Variants in TRIM59 observed in about 807,000 individuals in gnomAD.
The protein encoded by TRIM59 is tripartite motif-containing protein 59.
TRIM59 carries 14 observed loss-of-function variants against 32.2 expected under a neutral mutation model. The observed-to-expected ratio is 0.43, with a 90% confidence interval of 0.29 to 0.68. The LOEUF is 0.68. Ranked by LOEUF, TRIM59 falls within the 30% of genes least tolerant of loss-of-function variation. The pLI is 0.15. For missense variants in TRIM59, 471 were observed against 463.3 expected, an observed-to-expected ratio of 1.02 and a Z score of -0.15; for synonymous variants, 163 against 155.1, an observed-to-expected ratio of 1.05 and a Z score of -0.38.
rs530953446 is a variant in TRIM59 at position 160,436,856 on chromosome 3, T to A, written c.*1116A>T. ...AGTTGTTGGTACTTTTGCATTAGCT[T>A]AAGGGAATGTGGTAGAAAATTTAAA... On this transcript the variant is annotated 3_prime_UTR_variant, in exon 3 of 3. Coordinates refer to ENST00000309784, the MANE Select transcript of TRIM59 (RefSeq NM_173084.3). The A allele has an allele frequency of 1.1e-6, 1 of 931,164 alleles. No homozygotes were observed. The highest frequency in any genetic ancestry group is 1.3e-6 in the Non-Finnish European group (1 of 783,154). The allele number at this position is 931,164 out of a possible 1,614,324, so 57.7% of individuals were successfully genotyped here. A position where few individuals can be genotyped will look rare whatever the true frequency, so the allele number is the denominator to read the frequency against.
chr3:160,441,334 A>G (rs1020636775), intron 2 of TRIM59, among the ~76,000 whole-genome samples: 2 of 152,240 alleles, frequency 1.3e-5, no homozygotes, highest in Non-Finnish European at 2.9e-5. Flanking sequence ...TACTGCTTCA[A>G]TGAACAAATG....
chr3:160,436,740 A>G lies in TRIM59; in HGVS notation c.*1232T>C, dbSNP rs1046711069. 8.3e-5 allele frequency: 58 copies of G among 700,676 alleles called. No homozygotes were observed. Among genetic ancestry groups the G allele is most frequent in the Non-Finnish European group, 8.2e-5 (47 of 576,002 alleles). 43.4% of individuals were successfully genotyped at this position (700,676 alleles called of 1,614,324 possible). On this transcript the variant is annotated 3_prime_UTR_variant, in exon 3 of 3. Transcript: ENST00000309784. Reference sequence around the variant, plus strand: ...GTGAACCCGGGAGGCGGGGCTTGCAATGAGCCGAGATCACGCCACTGCACT... The same window carrying G: ...GTGAACCCGGGAGGCGGGGCTTGCAGTGAGCCGAGATCACGCCACTGCACT...
chr3:160,449,024 C>G, intron 1 of TRIM59: 1 of 270,440 alleles, frequency 3.7e-6, no homozygotes, highest in South Asian at 3.4e-5. Context: ...CTTTTCACAA[C>G]GTCAAGTAGC....
chr3:160,439,827 A>C (rs1269358653), intron 2 of TRIM59, among the ~76,000 whole-genome samples: 2 of 152,202 alleles, frequency 1.3e-5, no homozygotes, highest in South Asian at 2.1e-4. Context: ...AGACTAATAC[A>C]CTACATAATA....
chr3:160,447,847 T>A (rs1462446931), intron 2 of TRIM59: 1 of 152,230 alleles, frequency 6.6e-6, no homozygotes, highest in Non-Finnish European at 1.5e-5. Flanking sequence ...ACCTAACTGA[T>A]AAAGAAGAAA....
chr3:160,444,958 C>T (rs563100835), intron 2 of TRIM59, among the ~76,000 whole-genome samples: 1 of 151,960 alleles, frequency 6.6e-6, no homozygotes, highest in South Asian at 2.1e-4. Flanking sequence ...ACAGCCACGA[C>T]ATAATTTATT....
intron 2 of TRIM59, among the ~76,000 whole-genome samples, chr3:160,445,299 C>T (rs1271294623): frequency 4.6e-5 from 7 of 151,988 alleles, no homozygotes; most frequent in African/African-American, 1.7e-4. Flanking sequence ...CCTGTTAGTC[C>T]CAGCTACTCA....
At chr3:160,443,973 G>C (rs1319458673) in intron 2 of TRIM59, among the ~76,000 whole-genome samples, 1 of 152,010 alleles carries the variant, frequency 6.6e-6, no homozygotes, top group Non-Finnish European at 1.5e-5. Context: ...AATGCTTCAT[G>C]TATATGAAAC....
At position 160,437,893 on chromosome 3, in the gene TRIM59, T is replaced by G; in HGVS notation, c.*79A>C. The G allele has an allele frequency of 7.1e-7, 1 of 1,412,120 alleles. No homozygotes were observed. The highest frequency in any genetic ancestry group is 9.2e-7 in the Non-Finnish European group (1 of 1,082,884). 87.5% of individuals were successfully genotyped at this position (1,412,120 alleles called of 1,614,324 possible). A position where few individuals can be genotyped will look rare whatever the true frequency, so the allele number is the denominator to read the frequency against. On this transcript the variant is annotated 3_prime_UTR_variant, in exon 3 of 3. Transcript: ENST00000309784. ...GTTGCAGCACTAATAAAGCTTAGTT[T>G]GCTCTTTATCCATGCTACCCCATTT...
chr3:160,449,351 T>C, intron 1 of TRIM59: 2 of 469,806 alleles, frequency 4.3e-6, no homozygotes, highest in South Asian at 2.7e-5. Flanking sequence ...GCAGTACTCT[T>C]CCCTTCCCCT....
chr3:160,445,247 T>G (rs935155488), intron 2 of TRIM59, among the ~76,000 whole-genome samples: 2 of 151,734 alleles, frequency 1.3e-5, no homozygotes, highest in Non-Finnish European at 2.9e-5. Flanking sequence ...AAACCCCATC[T>G]CTACAAAAAA....
intron 2 of TRIM59, among the ~76,000 whole-genome samples, chr3:160,442,541 C>T (rs546789538): frequency 1.3e-4 from 19 of 150,952 alleles, no homozygotes; most frequent in Admixed American, 5.9e-4. Flanking sequence ...CAGAGCAAGA[C>T]TCTGTCTCAA....
Position 160,437,169 on chromosome 3 carries a change from T to C in TRIM59, c.*803A>G. On this transcript the variant is annotated 3_prime_UTR_variant, in exon 3 of 3. Coordinates refer to ENST00000309784, the MANE Select transcript of TRIM59 (RefSeq NM_173084.3). Reference sequence around the variant, plus strand: ...AAGTTTGAGACCAACCTGGGCAATATGGCAAAACCTCGTTTCTACAAAAAA... The same window carrying C: ...AAGTTTGAGACCAACCTGGGCAATACGGCAAAACCTCGTTTCTACAAAAAA... The C allele has an allele frequency of 1.4e-6, 1 of 722,218 alleles. No individual in the cohort carries two copies. The allele number at this position is 722,218 out of a possible 1,614,324, so 44.7% of individuals were successfully genotyped here. A position where few individuals can be genotyped will look rare whatever the true frequency, so the allele number is the denominator to read the frequency against.
Position 160,438,328 on chromosome 3 carries a change from T to G in TRIM59, c.856A>C (p.Lys286Gln). The G allele has an allele frequency of 6.2e-7, 1 of 1,613,368 alleles. No homozygotes were observed. Among genetic ancestry groups the G allele is most frequent in the Non-Finnish European group, 8.5e-7 (1 of 1,179,856 alleles). The change falls in exon 3 of 3, where the codon AAA (lysine) becomes CAA (glutamine). Residue 286 changes from lysine (K) to glutamine (Q), a missense_variant. Lys to Gln is a moderately conservative substitution (Grantham distance 53). Transcript: ENST00000309784. ...EIYPRVSKIL[K>Q]EEWSRTEIGQ... ...ATTTCTGTTCTGCTCCATTCTTCTT[T>G]CAATATTTTGCTTACTCGAGGATAA...
rs754296456 is a variant in TRIM59 at position 160,436,113 on chromosome 3, C to T, written c.*1859G>A. ...ATGCCCTTTAAATGTTCTTTGCCCACACAATAGTTAATTGTGCTAGGTATA... is the reference window on the plus strand; with the variant it reads ...ATGCCCTTTAAATGTTCTTTGCCCATACAATAGTTAATTGTGCTAGGTATA... On this transcript the variant is annotated 3_prime_UTR_variant, in exon 3 of 3. Coordinates refer to ENST00000309784, the MANE Select transcript of TRIM59 (RefSeq NM_173084.3). The T allele has an allele frequency of 2.8e-6, 3 of 1,090,344 alleles. No homozygotes were observed. The highest frequency in any genetic ancestry group is 3.4e-5 in the African/African-American group (2 of 59,624). The allele number at this position is 1,090,344 out of a possible 1,614,324, so 67.5% of individuals were successfully genotyped here.
intron 2 of TRIM59, among the ~76,000 whole-genome samples, chr3:160,441,567 CAG>C (rs1719246330): frequency 6.6e-6 from 1 of 151,946 alleles, no homozygotes; most frequent in Non-Finnish European, 1.5e-5. Context: ...TCCTGCCTAA[CAG>C]GGTGAAACCC....
At position 160,438,055 on chromosome 3, in the gene TRIM59, T is replaced by C. The variant is rs747688599; in HGVS notation, c.1129A>G (p.Asn377Asp). The C allele has an allele frequency of 6.2e-7, 1 of 1,605,392 alleles. No individual in the cohort carries two copies. Among genetic ancestry groups the C allele is most frequent in the East Asian group, 2.2e-5 (1 of 44,774 alleles). ...ATATTCTTTACCTTATGCAGACTGT[T>C]AGATAAACTTTGGTAAACAGATAGA... ...ASLSVYQSLS[N>D]SLHKVKNILC... Residue 377 changes from asparagine (N) to aspartate (D), a missense_variant, in exon 3 of 3, where the codon AAC (asparagine) becomes GAC (aspartate). Transcript: ENST00000309784.
Position 160,449,726 on chromosome 3 carries a change from G to C in TRIM59, c.-83C>G. On this transcript the variant is annotated 5_prime_UTR_variant, in exon 1 of 3. Transcript: ENST00000309784. ...AGGTCCTTAGACTCACCGCGGGGAG[G>C]AAGCGGACCAGGCAACTCCACAGCA... 1 of 1,290,006 alleles carries C rather than the reference G, an allele frequency of 7.8e-7. No individual in the cohort carries two copies. Among genetic ancestry groups the C allele is most frequent in the Non-Finnish European group, 1.0e-6 (1 of 988,990 alleles). The allele number at this position is 1,290,006 out of a possible 1,614,324, so 79.9% of individuals were successfully genotyped here. A position where few individuals can be genotyped will look rare whatever the true frequency, so the allele number is the denominator to read the frequency against.
In TRIM59 at chr3:160,436,314, G is replaced by A; in HGVS notation, c.*1658C>T. The A allele has an allele frequency of 1.0e-6, 1 of 987,228 alleles. No homozygotes were observed. The highest frequency in any genetic ancestry group is 1.2e-6 in the Non-Finnish European group (1 of 830,944). 61.2% of individuals were successfully genotyped at this position (987,228 alleles called of 1,614,324 possible). On this transcript the variant is annotated 3_prime_UTR_variant, in exon 3 of 3. Coordinates refer to ENST00000309784, the MANE Select transcript of TRIM59 (RefSeq NM_173084.3). ...CTGACCCAGAATGTCTTTTTGATTT[G>A]ATATAGGTAAGGCTCTTCGGTGATC...
Sources: allele counts gnomAD v4.1 joint callset (sites outside exome capture counted in the v4.1 genomes callset), GRCh38; gene constraint gnomAD v4.1.1; transcripts MANE v1.5; gene names NCBI Gene and HGNC (gene_info 2026-07-23, HGNC 2026-07-21).